ANKFN1: variants seen among roughly 807,000 people sequenced by gnomAD.
The protein encoded by ANKFN1 is ankyrin repeat and fibronectin type III domain containing 1.
A neutral mutation model predicts 108.7 loss-of-function variants in ANKFN1; 74 were observed. The ratio of observed to expected loss-of-function variants is 0.68; its 90% CI spans 0.56 to 0.83. The LOEUF is 0.83. ANKFN1 is among the 40% of genes least tolerant of loss of function. ANKFN1 has a pLI of 0.00. For missense variants in ANKFN1, 1,505 were observed against 1,382.3 expected (o/e 1.09, Z -1.41); for synonymous variants, 547 against 516.2 (o/e 1.06, Z -0.81).
intron 8 of ANKFN1, among the ~76,000 whole-genome samples, chr17:56,377,551 G>C (rs1425102592): frequency 6.6e-6 from 1 of 152,162 alleles, no homozygotes; most frequent in East Asian, 1.9e-4. Context: ...GCATCTTTTA[G>C]TCTCATCTCA....
intron 8 of ANKFN1, among the ~76,000 whole-genome samples, chr17:56,425,552 A>G (rs1421308454): frequency 6.6e-6 from 1 of 152,110 alleles, no homozygotes; most frequent in Non-Finnish European, 1.5e-5. Context: ...GTCCCATCTT[A>G]TTTCTAAAGT....
At chr17:56,232,762 CA>C (rs942069423) in intron 3 of ANKFN1, among the ~76,000 whole-genome samples, 2 of 152,086 alleles carry the variant, frequency 1.3e-5, no homozygotes, top group African/African-American at 4.8e-5. Flanking sequence ...TACATTAACT[CA>C]ATCAACAGAA....
At chr17:56,436,837 CAAA>C (rs965424286) in intron 8 of ANKFN1, among the ~76,000 whole-genome samples, 9 of 79,122 alleles carry the variant, frequency 1.1e-4, no homozygotes, top group Admixed American at 1.5e-4. Flanking sequence ...AACTCCATCT[CAAA>C]AAAAAAAAAA....
At chr17:56,159,364 A>G (rs16956802) in intron 1 of ANKFN1, among the ~76,000 whole-genome samples, 2,329 of 152,312 alleles carry the variant, frequency 0.015, 43 homozygotes, top group African/African-American at 0.053. Flanking sequence ...TTGAACATCT[A>G]TCACAGGCTC....
chr17:56,094,628 C>T (rs144392202), intron 4 of ANKFN1, among the ~76,000 whole-genome samples: 89 of 148,070 alleles, frequency 6.0e-4, no homozygotes, highest in African/African-American at 2.0e-3. Context: ...CTCAGCCTCC[C>T]GTGTAGCTGG....
At chr17:56,149,206 G>A (rs1055875560), upstream of ANKFN1, among the ~76,000 whole-genome samples, 1 of 152,146 alleles carries the variant, frequency 6.6e-6, no homozygotes, top group African/African-American at 2.4e-5. Flanking sequence ...TAGGGAAGGA[G>A]ATGACATGAT....
intron 1 of ANKFN1, among the ~76,000 whole-genome samples, chr17:56,168,016 C>A (rs1340755448): frequency 6.6e-6 from 1 of 152,120 alleles, no homozygotes; most frequent in Non-Finnish European, 1.5e-5. Flanking sequence ...CCTGTAATGC[C>A]AGCACTTTGG....
intron 3 of ANKFN1, among the ~76,000 whole-genome samples, chr17:56,295,401 T>A (rs554797660): frequency 2.0e-5 from 3 of 152,190 alleles, no homozygotes; most frequent in African/African-American, 7.2e-5. Context: ...AGACCAGTAA[T>A]ACCTGTATCA....
intron 8 of ANKFN1, among the ~76,000 whole-genome samples, chr17:56,399,725 G>A (rs2047693032): frequency 6.6e-6 from 1 of 151,652 alleles, no homozygotes. Context: ...GAGAACATAT[G>A]ATGTTTGGCT....
chr17:56,308,764 T>G (rs1278354328), intron 3 of ANKFN1, among the ~76,000 whole-genome samples: 1 of 152,170 alleles, frequency 6.6e-6, no homozygotes, highest in Non-Finnish European at 1.5e-5. Flanking sequence ...CTGAGCGTTA[T>G]TGTCATGAAT....
intron 17 of ANKFN1, among the ~76,000 whole-genome samples, chr17:56,481,623 A>G (rs1341000065): frequency 6.6e-6 from 1 of 152,128 alleles, no homozygotes; most frequent in East Asian, 1.9e-4. Context: ...CCTCTAACCC[A>G]TGGAGGCAGG....
chr17:56,305,070 C>A (rs764014649), intron 3 of ANKFN1, among the ~76,000 whole-genome samples: 1 of 152,162 alleles, frequency 6.6e-6, no homozygotes, highest in Non-Finnish European at 1.5e-5. Flanking sequence ...TGGGAGGCCT[C>A]AGGAAACTCA....
chr17:56,510,974 A>G lies in ANKFN1; in HGVS notation c.3146A>G (p.Lys1049Arg), dbSNP rs1803823724. 3 of 1,536,034 alleles carry G rather than the reference A, an allele frequency of 2.0e-6. No homozygotes were observed. ...GCCTGTGGTCTGGCCCAGGAGCCCA[A>G]GGAGGCCAAGCGGGCCGGCCCTGCC... ...SQACGLAQEPKEAKRAGPALD... is the reference protein window; with the variant it reads ...SQACGLAQEPREAKRAGPALD... Residue 1049 changes from lysine to arginine, a missense_variant, in exon 21 of 21, where the codon AAG (lysine) becomes AGG (arginine). Physicochemically the swap from Lys to Arg is conservative, Grantham distance 26 (BLOSUM62 2). Coordinates refer to ENST00000682825, the MANE Select transcript of ANKFN1 (RefSeq NM_001370326.1).
chr17:56,467,626 G>A (rs1198422818), intron 15 of ANKFN1, among the ~76,000 whole-genome samples: 5 of 147,608 alleles, frequency 3.4e-5, no homozygotes, highest in South Asian at 2.2e-4. Context: ...GCAGTGAGCC[G>A]AGATCACGCT....
intron 3 of ANKFN1, among the ~76,000 whole-genome samples, chr17:56,269,882 C>T (rs2043748938): frequency 2.6e-5 from 4 of 152,140 alleles, no homozygotes; most frequent in Admixed American, 2.6e-4. Context: ...CATGTTTTCC[C>T]TCATTCCCCT....
At chr17:56,418,928 C>A (rs1467367440) in intron 8 of ANKFN1, among the ~76,000 whole-genome samples, 1 of 152,160 alleles carries the variant, frequency 6.6e-6, no homozygotes, top group Non-Finnish European at 1.5e-5. Context: ...CTTGAGTTTG[C>A]AGAAGTTAAA....
Position 56,485,405 on chromosome 17 carries a change from C to T in ANKFN1, c.2260+2881C>T, listed in dbSNP as rs2050823294. 2.6e-5 allele frequency among the ~76,000 whole-genome samples: 4 copies of T among 152,184 alleles called. No individual in the cohort carries two copies. In the Middle Eastern group the frequency reaches 0.01, roughly 388 times the overall value. On this transcript the variant is annotated intron_variant, in intron 18 of 20. Coordinates refer to ENST00000682825, the MANE Select transcript of ANKFN1 (RefSeq NM_001370326.1). ...CAATGAGAACAGTAAGTGCAAAGGC[C>T]TTAGAGTAAGAGTGTGCTTGGCTAA...
chr17:56,203,784 G>A (rs909001186), intron 1 of ANKFN1, among the ~76,000 whole-genome samples: 6 of 152,182 alleles, frequency 3.9e-5, no homozygotes, highest in African/African-American at 1.4e-4. Flanking sequence ...AAGAATGTAA[G>A]TAACTATTAT....
intron 8 of ANKFN1, among the ~76,000 whole-genome samples, chr17:56,416,940 T>C (rs567923367): frequency 1.3e-5 from 2 of 152,134 alleles, no homozygotes; most frequent in Admixed American, 6.5e-5. Context: ...TTAGGTAACA[T>C]GAAATAAGTC....
Sources: allele counts gnomAD v4.1 joint callset (sites outside exome capture counted in the v4.1 genomes callset), GRCh38; gene constraint gnomAD v4.1.1; transcripts MANE v1.5; gene names NCBI Gene and HGNC (gene_info 2026-07-23, HGNC 2026-07-21).